UGT2B28: variants seen among roughly 807,000 people sequenced by gnomAD.
UGT2B28 encodes the protein UDP-glucuronosyltransferase 2B28.
Under a neutral mutation model 43.6 loss-of-function variants are expected in UGT2B28, and 45 were observed. That is an observed-to-expected ratio of 1.03 (90% CI 0.81 to 1.32). The LOEUF is 1.32. Among genes scored for constraint, UGT2B28 ranks in the 40% most tolerant of loss-of-function variants. The pLI is 0.00. For missense variants in UGT2B28, 649 were observed against 625.5 expected (o/e 1.04, Z -0.40); for synonymous variants, 204 against 208.1 (o/e 0.98, Z 0.17).
rs771396319 is a variant in UGT2B28 at position 69,289,379 on chromosome 4, G to A, written c.1003-286G>A. The stretch of plus-strand genomic sequence containing the variant: ...ATTTTACTTCATGTGATGGTTGGCC[G>A]CAGGTAGGTCTTTTTTTAAAAAGTG... On this transcript the variant is annotated intron_variant, in intron 3 of 5. Coordinates refer to ENST00000335568, the MANE Select transcript of UGT2B28 (RefSeq NM_053039.2). Among the ~76,000 whole-genome samples, 4 of 140,196 alleles carry A rather than the reference G, an allele frequency of 2.9e-5. 1 individual carries two copies. The highest frequency in any genetic ancestry group is 7.2e-5 in the Admixed American group (1 of 13,952). The allele number at this position is 140,196 out of a possible 152,430, so 92.0% of individuals were successfully genotyped here. A position where few individuals can be genotyped will look rare whatever the true frequency, so the allele number is the denominator to read the frequency against.
In UGT2B28 at chr4:69,285,300, C is replaced by A. The variant is rs533182726; in HGVS notation, c.871-1452C>A. Among the ~76,000 whole-genome samples, 2 of 139,726 alleles carry A rather than the reference C, an allele frequency of 1.4e-5. 1 individual carries two copies. The highest frequency in any genetic ancestry group is 5.6e-5 in the African/African-American group (2 of 35,714). 91.7% of individuals were successfully genotyped at this position (139,726 alleles called of 152,430 possible). A position where few individuals can be genotyped will look rare whatever the true frequency, so the allele number is the denominator to read the frequency against. On this transcript the variant is annotated intron_variant, in intron 2 of 5. Transcript: ENST00000335568. The stretch of plus-strand genomic sequence containing the variant: ...ATTTTAGAAAAATTATTTTTTAAAA[C>A]GCTTTTCATACTTTTATACAATTTC...
rs763133605 is a variant in UGT2B28, at chr4:69,282,672, C to A, written c.870+10C>A. 1 of 1,541,650 alleles carries A rather than the reference C, an allele frequency of 6.5e-7. No individual in the cohort carries two copies. The highest frequency in any genetic ancestry group is 8.7e-7 in the Non-Finnish European group (1 of 1,149,498). ...CAAACCCCTACCTAAGGTAAACATA[C>A]TTTCGTTGGTTTTATTTTGTTGGCT... On this transcript the variant is annotated intron_variant, in intron 2 of 5. Transcript: ENST00000335568.
rs1299314792 is a variant in UGT2B28 at position 69,294,498 on chromosome 4, T to G, written c.1311-32T>G. 6.0e-6 allele frequency: 9 copies of G among 1,498,334 alleles called. 2 individuals are homozygous for G. Among genetic ancestry groups the G allele is most frequent in the Non-Finnish European group, 8.0e-6 (9 of 1,125,778 alleles). The allele number at this position is 1,498,334 out of a possible 1,614,324, so 92.8% of individuals were successfully genotyped here. On this transcript the variant is annotated intron_variant, in intron 5 of 5. Transcript: ENST00000335568. ...TACATACAGGCCAGTTAACTTACTT[T>G]CAGTGTTGGTATCTTTATTTTTATC... is the stretch of plus-strand genomic sequence containing the variant.
Position 69,288,532 on chromosome 4 carries a change from G to C in UGT2B28, c.1003-1133G>C, listed in dbSNP as rs1237027970. Among the ~76,000 whole-genome samples, 3 of 139,060 alleles carry C rather than the reference G, an allele frequency of 2.2e-5. 1 individual carries two copies. 91.2% of individuals were successfully genotyped at this position (139,060 alleles called of 152,430 possible). On this transcript the variant is annotated intron_variant, in intron 3 of 5. Transcript: ENST00000335568. ...TGTTTTATTACACTAGAATTACAAT[G>C]ACTCCATATAATTTTTTATACTTTT... is the stretch of plus-strand genomic sequence containing the variant.
chr4:69,286,847 C>A lies in UGT2B28; in HGVS notation c.966C>A (p.Asn322Lys). ...VISNMTAERA[N>K]VIATALAKIP... ...GTAACATGACAGCAGAAAGGGCCAA[C>A]GTAATTGCAACAGCCCTTGCCAAGA... Residue 322 changes from asparagine (N) to lysine (K), a missense_variant, in exon 3 of 6, where the codon AAC becomes AAA. Asn to Lys is a moderately conservative substitution (Grantham distance 94, BLOSUM62 0). Transcript: ENST00000335568. The A allele has an allele frequency of 6.4e-7, 1 of 1,555,894 alleles. No homozygotes were observed. Among genetic ancestry groups the A allele is most frequent in the East Asian group, 2.3e-5 (1 of 43,442 alleles).
intron 5 of UGT2B28, among the ~76,000 whole-genome samples, chr4:69,294,317 T>C (rs1724040222): frequency 7.1e-6 from 1 of 140,038 alleles, no homozygotes; most frequent in Non-Finnish European, 1.5e-5. Context: ...CACCTGACCT[T>C]CCATTTCTGC....
At position 69,286,613 on chromosome 4, in the gene UGT2B28, T is replaced by C. The variant is rs1723782101; in HGVS notation, c.871-139T>C. ...ATCTTCTTGTAAAGAACCTGAGTGA[T>C]TGAGTCAGTTAAAAAATATTATTTA... On this transcript the variant is annotated intron_variant, in intron 2 of 5. Transcript: ENST00000335568. 9 of 1,236,762 alleles carry C rather than the reference T, an allele frequency of 7.3e-6. 1 individual carries two copies. Among genetic ancestry groups the C allele is most frequent in the East Asian group, 5.4e-5 (2 of 37,200 alleles). The allele number at this position is 1,236,762 out of a possible 1,614,324, so 76.6% of individuals were successfully genotyped here.
rs1485783488 is a variant in UGT2B28, at chr4:69,289,986, T to C, written c.1090+234T>C. Reference sequence around the variant, plus strand: ...AGATAATCTTTATTTCAGGTGCTATTATATCTCACAGAATTTTTCAGTATC... The same window carrying C: ...AGATAATCTTTATTTCAGGTGCTATCATATCTCACAGAATTTTTCAGTATC... On this transcript the variant is annotated intron_variant, in intron 4 of 5. Coordinates refer to ENST00000335568, the MANE Select transcript of UGT2B28 (RefSeq NM_053039.2). Among the ~76,000 whole-genome samples, 5 of 140,684 alleles carry C rather than the reference T, an allele frequency of 3.6e-5. 1 individual carries two copies. Among genetic ancestry groups the C allele is most frequent in the South Asian group, 2.4e-4 (1 of 4,202 alleles). The allele number at this position is 140,684 out of a possible 152,430, so 92.3% of individuals were successfully genotyped here. A position where few individuals can be genotyped will look rare whatever the true frequency, so the allele number is the denominator to read the frequency against.
chr4:69,280,655 A>G lies in UGT2B28; in HGVS notation c.155A>G (p.Glu52Gly), dbSNP rs138948951. The G allele has an allele frequency of 1.0e-4, 159 of 1,561,604 alleles. 28 individuals are homozygous for G. In the African/African-American group the frequency reaches 2.2e-3, roughly 21 times the overall value. Residue 52 changes from glutamate (E) to glycine (G), a missense_variant, in exon 1 of 6, where the codon GAG becomes GGG. Coordinates refer to ENST00000335568, the MANE Select transcript of UGT2B28 (RefSeq NM_053039.2). The part of the protein sequence containing the change: ...ILKELVQRGH[E>G]VTVLASSASI... ...AAAGAGCTTGTTCAGAGAGGTCATG[A>G]GGTGACTGTACTGGCATCTTCAGCT...
Position 69,281,031 on chromosome 4 carries a change from CT to C in UGT2B28, c.532del (p.Tyr178ThrfsTer10). The C allele has an allele frequency of 6.4e-7, 1 of 1,559,488 alleles. No individual in the cohort carries two copies. The highest frequency in any genetic ancestry group is 8.7e-7 in the Non-Finnish European group (1 of 1,155,298). ...FVYSLCFTPG[Y>X]TIERHSGGLI... is the part of the protein sequence containing the mutation. ...TGTACAGTCTCTGCTTCACTCCTGG[CT>C]ACACAATTGAAAGGCACAGTGGAGG... On this transcript the variant is annotated frameshift_variant, in exon 1 of 6. Transcript: ENST00000335568. LOFTEE classifies it high-confidence loss of function.
chr4:69,294,203 A>G lies in UGT2B28; in HGVS notation c.1311-327A>G, dbSNP rs541177493. On this transcript the variant is annotated intron_variant, in intron 5 of 5. Transcript: ENST00000335568. ...TGTATCAAAATATCTCATGTACCCC[A>G]TAAATATATACACTTAATATGGACC... Among the ~76,000 whole-genome samples, 9 of 140,022 alleles carry G rather than the reference A, an allele frequency of 6.4e-5. No individual in the cohort carries two copies. In the East Asian group the frequency reaches 1.9e-3, roughly 29 times the overall value. The allele number at this position is 140,022 out of a possible 152,430, so 91.9% of individuals were successfully genotyped here. A position where few individuals can be genotyped will look rare whatever the true frequency, so the allele number is the denominator to read the frequency against.
intron 2 of UGT2B28, among the ~76,000 whole-genome samples, chr4:69,283,831 T>C (rs184182876): frequency 7.1e-6 from 1 of 140,508 alleles, no homozygotes; most frequent in Non-Finnish European, 1.5e-5. Flanking sequence ...ATATGACAGA[T>C]ACCCTGTGGA....
chr4:69,280,681 T>G lies in UGT2B28; in HGVS notation c.181T>G (p.Ser61Ala), dbSNP rs1723570287. 3.2e-6 allele frequency: 5 copies of G among 1,561,114 alleles called. No individual in the cohort carries two copies. Among genetic ancestry groups the G allele is most frequent in the Non-Finnish European group, 4.3e-6 (5 of 1,156,062 alleles). ...GGTGACTGTACTGGCATCTTCAGCT[T>G]CCATTCTTTTTGATCCCAATGACGC... is the stretch of plus-strand genomic sequence containing the variant. ...HEVTVLASSASILFDPNDAFT... is the reference protein window; with the variant it reads ...HEVTVLASSAAILFDPNDAFT... Residue 61 changes from serine (S) to alanine (A), a missense_variant, in exon 1 of 6, where the codon TCC (serine) becomes GCC (alanine). Physicochemically the swap from Ser to Ala is moderately conservative, Grantham distance 99. Coordinates refer to ENST00000335568, the MANE Select transcript of UGT2B28 (RefSeq NM_053039.2).
intron 3 of UGT2B28, among the ~76,000 whole-genome samples, chr4:69,287,553 C>T (rs1330627973): frequency 7.1e-6 from 1 of 140,368 alleles, no homozygotes; most frequent in Non-Finnish European, 1.5e-5. Flanking sequence ...CTGCCTGAAG[C>T]AGGAAGGTGA....
At position 69,286,888 on chromosome 4, in the gene UGT2B28, G is replaced by C. The variant is rs1469045304; in HGVS notation, c.1002+5G>C. 1 of 1,552,742 alleles carries C rather than the reference G, an allele frequency of 6.4e-7. No homozygotes were observed. The highest frequency in any genetic ancestry group is 8.7e-7 in the Non-Finnish European group (1 of 1,152,270). On this transcript the variant is annotated splice_donor_5th_base_variant and intron_variant, in intron 3 of 5. Transcript: ENST00000335568. ...CTTGCCAAGATCCCACAAAAGGTAAGATAAAGTGCCTTACTGGTGTGGAAA... is the reference window on the plus strand; with the variant it reads ...CTTGCCAAGATCCCACAAAAGGTAACATAAAGTGCCTTACTGGTGTGGAAA...
In UGT2B28 at chr4:69,282,606, C is replaced by A; in HGVS notation, c.814C>A (p.Pro272Thr). The A allele has an allele frequency of 1.9e-6, 3 of 1,555,882 alleles. 1 individual carries two copies. The South Asian group carries it at 3.6e-5, about 19-fold the overall frequency. ...TTTTCAATTTCCTCATCCATTCTTA[C>A]CAAACATTGATTTTGTTGGAGGACT... The part of the protein sequence containing the change: ...WSFQFPHPFL[P>T]NIDFVGGLHC... The change falls in exon 2 of 6, where the codon CCA becomes ACA. Residue 272 changes from proline (P) to threonine (T), a missense_variant. Coordinates refer to ENST00000335568, the MANE Select transcript of UGT2B28 (RefSeq NM_053039.2).
At chr4:69,293,094 T>C (rs1300733547) in intron 5 of UGT2B28, among the ~76,000 whole-genome samples, 1 of 140,682 alleles carries the variant, frequency 7.1e-6, no homozygotes, top group African/African-American at 2.8e-5. Flanking sequence ...CTGTGGTTTA[T>C]CAATCAACAG....
At chr4:69,290,476 G>A in intron 4 of UGT2B28, 116 bp from the exon 5 acceptor site, 1 of 1,338,810 alleles carries the variant, frequency 7.5e-7, no homozygotes, top group Non-Finnish European at 1.0e-6. Flanking sequence ...AGTCTGAAAA[G>A]TAATGGCAAA....
chr4:69,292,921 C>A (rs1243708972), intron 5 of UGT2B28, among the ~76,000 whole-genome samples: 4 of 140,258 alleles, frequency 2.9e-5, no homozygotes, highest in African/African-American at 1.1e-4. Context: ...ATTATGCATG[C>A]ACTTTTATCT....
Sources: gnomAD v4.1 joint callset for allele counts (sites outside exome capture counted in the v4.1 genomes callset) on GRCh38, gnomAD v4.1.1 for gene constraint, MANE v1.5 for transcripts, NCBI Gene and HGNC (gene_info 2026-07-23, HGNC 2026-07-21) for gene names.